The following WDR72 variants were observed in gnomAD, a reference collection of about 807,000 sequenced individuals.
WDR72 encodes the protein WD repeat-containing protein 72.
WDR72 carries 120 observed loss-of-function variants against 124.2 expected under a neutral mutation model. The observed-to-expected ratio is 0.97, with a 90% CI of 0.83 to 1.12. WDR72 has a LOEUF of 1.12. Ranked by LOEUF, WDR72 falls within the 50% of genes most tolerant of loss-of-function variation. WDR72 has a pLI of 0.00. For synonymous variants in WDR72, 452 were observed against 441.7 expected, an observed-to-expected ratio of 1.02 and a Z score of -0.29; for missense variants, 1,387 against 1,278.8, an observed-to-expected ratio of 1.08 and a Z score of -1.29.
intron 13 of WDR72, among the ~76,000 whole-genome samples, chr15:53,691,660 T>TAGATAGATAGAC (rs2016848344): frequency 1.4e-5 from 2 of 145,610 alleles, no homozygotes; most frequent in South Asian, 4.5e-4. Flanking sequence ...GATAGATAGA[T>TAGATAGATAGAC]AGATAGATAG....
rs774695862 is a variant in WDR72, at chr15:53,609,527, C to T, written c.2938G>A (p.Asp980Asn). 1 of 1,613,438 alleles carries T rather than the reference C, an allele frequency of 6.2e-7. No homozygotes were observed. ...SLLKLISCWR[D>N]QSVQVTEAIQ... ...TTATATCATACCTGCACAGACTGGT[C>T]TCTCCAACAGGAAATTAGCTTCAAA... Residue 980 changes from aspartate (D) to asparagine (N), a missense_variant, in exon 17 of 20, where the codon GAC (aspartate) becomes AAC (asparagine). Physicochemically the swap from Asp to Asn is conservative, Grantham distance 23. Transcript: ENST00000360509.
intron 18 of WDR72, among the ~76,000 whole-genome samples, chr15:53,591,725 CACACATATAT>C (rs2012516592): frequency 4.8e-5 from 5 of 104,194 alleles, no homozygotes; most frequent in East Asian, 4.4e-4. Context: ...CACACACACA[CACACATATAT>C]ACCTTCTGAT....
At chr15:53,647,039 C>T (rs1240166453) in intron 14 of WDR72, among the ~76,000 whole-genome samples, 1 of 151,946 alleles carries the variant, frequency 6.6e-6, no homozygotes, top group Non-Finnish European at 1.5e-5. Flanking sequence ...GGCAGAGACT[C>T]CAGTAGAAAG....
chr15:53,605,095 C>T (rs757519165), intron 17 of WDR72, among the ~76,000 whole-genome samples: 65 of 152,174 alleles, frequency 4.3e-4, no homozygotes, highest in Non-Finnish European at 8.7e-4. Flanking sequence ...ACCTAAATGT[C>T]AATCAATGGT....
intron 18 of WDR72, among the ~76,000 whole-genome samples, chr15:53,551,888 A>G (rs1326144662): frequency 6.6e-6 from 1 of 152,038 alleles, no homozygotes; most frequent in Non-Finnish European, 1.5e-5. Context: ...ACACACGCAC[A>G]TGTACATGCA....
intron 18 of WDR72, among the ~76,000 whole-genome samples, chr15:53,526,122 G>C (rs748724967): frequency 2.0e-5 from 3 of 152,062 alleles, no homozygotes; most frequent in Non-Finnish European, 2.9e-5. Context: ...ATTATGGGTA[G>C]AGCTCTGTGC....
Position 53,517,567 on chromosome 15 carries a change from A to G in WDR72, c.*132T>C, listed in dbSNP as rs1891531616. 2 of 901,320 alleles carry G rather than the reference A, an allele frequency of 2.2e-6. No homozygotes were observed. Among genetic ancestry groups the G allele is most frequent in the South Asian group, 1.4e-5 (1 of 73,908 alleles). 55.8% of individuals were successfully genotyped at this position (901,320 alleles called of 1,614,324 possible). ...AAAATCACTTTAATACATGTTGGCT[A>G]AAGTATTAGCAAATCCACTACAGCC... On this transcript the variant is annotated 3_prime_UTR_variant, in exon 20 of 20. Transcript: ENST00000360509.
chr15:53,520,283 C>T (rs754173296), intron 19 of WDR72, among the ~76,000 whole-genome samples: 3 of 151,982 alleles, frequency 2.0e-5, no homozygotes, highest in South Asian at 2.1e-4. Flanking sequence ...CTGAGCTATT[C>T]ATTAAAATGA....
chr15:53,700,082 A>G (rs1448001934), intron 12 of WDR72, 137 bp from the exon 13 acceptor site: 3 of 964,068 alleles, frequency 3.1e-6, no homozygotes, highest in Non-Finnish European at 4.7e-6. Context: ...TGCTTTCTAC[A>G]GCACCTTTCA....
At chr15:53,717,015 T>C (rs2017732259) in intron 3 of WDR72, among the ~76,000 whole-genome samples, 1 of 152,182 alleles carries the variant, frequency 6.6e-6, no homozygotes, top group Non-Finnish European at 1.5e-5. Flanking sequence ...GAAAATGCTT[T>C]ATTTCACTGA....
In WDR72 at chr15:53,714,420, G is replaced by A. The variant is rs777559542; in HGVS notation, c.591+14C>T. Reference sequence around the variant, plus strand: ...GAAATTGTAAGGAAAAAAGAGTAGGGTTCCCAAGCCAACCTGAATGCTGTT... The same window carrying A: ...GAAATTGTAAGGAAAAAAGAGTAGGATTCCCAAGCCAACCTGAATGCTGTT... On this transcript the variant is annotated intron_variant, in intron 6 of 19. Transcript: ENST00000360509. 3.1e-6 allele frequency: 5 copies of A among 1,610,422 alleles called. No individual in the cohort carries two copies. Among genetic ancestry groups the A allele is most frequent in the Non-Finnish European group, 4.2e-6 (5 of 1,176,926 alleles).
intron 18 of WDR72, among the ~76,000 whole-genome samples, chr15:53,553,914 C>T (rs1167240001): frequency 6.6e-6 from 1 of 152,110 alleles, no homozygotes; most frequent in Non-Finnish European, 1.5e-5. Flanking sequence ...CTATCCATCC[C>T]TACAATTTTA....
intron 1 of WDR72, among the ~76,000 whole-genome samples, chr15:53,734,923 G>A (rs948429831): frequency 6.6e-6 from 1 of 151,858 alleles, no homozygotes; most frequent in Non-Finnish European, 1.5e-5. Flanking sequence ...TTGTTTCCAG[G>A]TCAATGATAC....
chr15:53,538,938 A>C (rs1368502450), intron 18 of WDR72, among the ~76,000 whole-genome samples: 2 of 152,158 alleles, frequency 1.3e-5, no homozygotes, highest in Non-Finnish European at 2.9e-5. Context: ...GAAACTCATT[A>C]ATTTGAACTT....
At chr15:53,714,673 C>T (rs942708423) in intron 5 of WDR72, among the ~76,000 whole-genome samples, 163 bp from the exon 6 acceptor site, 3 of 152,096 alleles carry the variant, frequency 2.0e-5, no homozygotes, top group African/African-American at 7.2e-5. Context: ...TTACATCGTG[C>T]TCCAAATCTG....
chr15:53,730,573 C>T (rs1159460532), intron 2 of WDR72, among the ~76,000 whole-genome samples: 2 of 152,080 alleles, frequency 1.3e-5, no homozygotes, highest in African/African-American at 4.8e-5. Flanking sequence ...AAGAACTTTC[C>T]AAACTTAGTA....
chr15:53,692,274 G>T (rs959542139), intron 13 of WDR72, among the ~76,000 whole-genome samples: 1 of 152,152 alleles, frequency 6.6e-6, no homozygotes, highest in Non-Finnish European at 1.5e-5. Flanking sequence ...TCTTTAAGGA[G>T]GGAAACCATA....
At position 53,517,469 on chromosome 15, in the gene WDR72, C is replaced by T; in HGVS notation, c.*230G>A. 1 of 510,214 alleles carries T rather than the reference C, an allele frequency of 2.0e-6. No homozygotes were observed. Among genetic ancestry groups the T allele is most frequent in the Non-Finnish European group, 3.5e-6 (1 of 282,032 alleles). 31.6% of individuals were successfully genotyped at this position (510,214 alleles called of 1,614,324 possible). The stretch of plus-strand genomic sequence containing the variant: ...AAACAGGAATAGAGAATGATCTAGG[C>T]AATATTTTTCTAAAATTAGATGAAT... On this transcript the variant is annotated 3_prime_UTR_variant, in exon 20 of 20. Transcript: ENST00000360509.
chr15:53,603,064 T>C (rs986238096), intron 17 of WDR72, among the ~76,000 whole-genome samples: 1 of 151,904 alleles, frequency 6.6e-6, no homozygotes, highest in Non-Finnish European at 1.5e-5. Context: ...GTATTCCTGA[T>C]GAACATCAAT....
Sources: allele counts gnomAD v4.1 joint callset (sites outside exome capture counted in the v4.1 genomes callset), GRCh38; gene constraint gnomAD v4.1.1; transcripts MANE v1.5; gene names NCBI Gene and HGNC (gene_info 2026-07-23, HGNC 2026-07-21).